The following FNDC3B variants were observed in gnomAD, a reference collection of about 807,000 sequenced individuals.
FNDC3B encodes fibronectin type III domain-containing protein 3B.
FNDC3B carries 12 observed loss-of-function variants against 151.5 expected under a neutral mutation model. The observed-to-expected ratio is 0.08, with a 90% CI of 0.05 to 0.13. The LOEUF is 0.13. Among genes scored for constraint, FNDC3B ranks in the 10% least tolerant of loss-of-function variants. FNDC3B has a pLI of 1.00. For missense variants in FNDC3B, 1,214 were observed against 1,505.3 expected (o/e 0.81, Z 3.20); for synonymous variants, 528 against 549.0 (o/e 0.96, Z 0.54).
intron 8 of FNDC3B, 51 bp from the exon 9 acceptor site, chr3:172,298,677 G>A (rs368107992): frequency 4.2e-5 from 57 of 1,368,558 alleles, no homozygotes; most frequent in African/African-American, 1.6e-4. Context: ...TCCAAATCTC[G>A]TTTGCTTTTG....
At chr3:172,097,928 G>A (rs1306220870) in intron 1 of FNDC3B, among the ~76,000 whole-genome samples, 1 of 152,080 alleles carries the variant, frequency 6.6e-6, no homozygotes, top group African/African-American at 2.4e-5. Flanking sequence ...TACCCAAATT[G>A]ATAGATTAGT....
intron 3 of FNDC3B, among the ~76,000 whole-genome samples, chr3:172,159,992 C>T (rs1205791760): frequency 6.6e-6 from 1 of 152,162 alleles, no homozygotes; most frequent in Non-Finnish European, 1.5e-5. Flanking sequence ...GGCACATCTG[C>T]AGATTGTCCT....
intron 11 of FNDC3B, among the ~76,000 whole-genome samples, chr3:172,326,504 T>C (rs1732351413): frequency 6.6e-6 from 1 of 152,128 alleles, no homozygotes; most frequent in Non-Finnish European, 1.5e-5. Flanking sequence ...TGGTCCTGAC[T>C]CCAAGATTTA....
At chr3:172,164,689 A>G (rs1397037886) in intron 3 of FNDC3B, among the ~76,000 whole-genome samples, 2 of 152,240 alleles carry the variant, frequency 1.3e-5, no homozygotes, top group Admixed American at 6.5e-5. Flanking sequence ...TATGACTTCT[A>G]TGAGAGCAAA....
chr3:172,095,482 G>A (rs560718381), intron 1 of FNDC3B, among the ~76,000 whole-genome samples: 3 of 152,338 alleles, frequency 2.0e-5, no homozygotes, highest in African/African-American at 7.2e-5. Flanking sequence ...AGCTTTAGAA[G>A]AGAGATTGTC....
chr3:172,044,431 C>G (rs775261045), intron 1 of FNDC3B, among the ~76,000 whole-genome samples: 2 of 151,958 alleles, frequency 1.3e-5, no homozygotes, highest in Non-Finnish European at 2.9e-5. Flanking sequence ...ATGGTACTGT[C>G]CTGGGATAAT....
intron 1 of FNDC3B, among the ~76,000 whole-genome samples, chr3:172,041,321 G>A (rs1716036748): frequency 1.3e-5 from 2 of 152,062 alleles, no homozygotes; most frequent in Admixed American, 1.3e-4. Flanking sequence ...CCTTCCTAGG[G>A]AAAGCTAAGG....
intron 22 of FNDC3B, among the ~76,000 whole-genome samples, chr3:172,353,677 CT>C (rs1208126105): frequency 6.6e-6 from 1 of 152,106 alleles, no homozygotes; most frequent in Non-Finnish European, 1.5e-5. Context: ...GAGGATAGTT[CT>C]GTTATGGAGA....
intron 1 of FNDC3B, among the ~76,000 whole-genome samples, chr3:172,088,231 C>T (rs1024210130): frequency 1.3e-5 from 2 of 152,128 alleles, no homozygotes; most frequent in African/African-American, 4.8e-5. Flanking sequence ...CAACTTGAAT[C>T]CTAAATTAGC....
intron 1 of FNDC3B, among the ~76,000 whole-genome samples, chr3:172,096,824 C>T (rs1046006700): frequency 5.9e-4 from 89 of 151,916 alleles, no homozygotes; most frequent in Admixed American, 5.6e-3. Flanking sequence ...TACGCTATAA[C>T]GCATAGGAAT....
chr3:172,112,234 A>T (rs1414959856), intron 1 of FNDC3B, among the ~76,000 whole-genome samples: 2 of 152,238 alleles, frequency 1.3e-5, no homozygotes, highest in African/African-American at 4.8e-5. Flanking sequence ...TTATGTTCAC[A>T]TGGCCACTTA....
At chr3:172,251,229 A>C (rs773186729) in intron 5 of FNDC3B, 31 bp from the exon 6 acceptor site, 1 of 1,529,856 alleles carries the variant, frequency 6.5e-7, no homozygotes, top group Non-Finnish European at 9.0e-7. Context: ...ATGTAAACTG[A>C]GTTTGGGTTT....
chr3:172,247,712 T>G lies in FNDC3B; in HGVS notation c.444T>G (p.Pro148=). 6.2e-7 allele frequency: 1 copy of G among 1,614,116 alleles called. No homozygotes were observed. Among genetic ancestry groups the G allele is most frequent in the Non-Finnish European group, 8.5e-7 (1 of 1,179,986 alleles). Residue 148 remains proline, a synonymous_variant, in exon 5 of 26, where the codon CCT becomes CCG. Transcript: ENST00000415807. ...HTAYYPPVTG[P]GDMPPQFFPQ... ...CTTACTACCCACCTGTTACCGGACC[T>G]GGAGATATGCCGCCTCAGTTTTTTC...
chr3:172,284,549 G>A (rs1729908243), intron 6 of FNDC3B, among the ~76,000 whole-genome samples: 1 of 151,868 alleles, frequency 6.6e-6, no homozygotes, highest in African/African-American at 2.4e-5. Flanking sequence ...GTTAAGGTGG[G>A]ATTTTTTGAA....
At chr3:172,215,898 G>C (rs1725951973) in intron 3 of FNDC3B, among the ~76,000 whole-genome samples, 1 of 147,580 alleles carries the variant, frequency 6.8e-6, no homozygotes, top group Non-Finnish European at 1.5e-5. Context: ...AGCAGAATAG[G>C]GGGTAATTTT....
intron 11 of FNDC3B, among the ~76,000 whole-genome samples, chr3:172,312,923 C>T (rs927223257): frequency 2.0e-5 from 3 of 152,148 alleles, no homozygotes; most frequent in African/African-American, 2.4e-5. Context: ...GGACAGGCCA[C>T]GTCTGATGAC....
At chr3:172,117,738 C>T (rs1458218686) in intron 2 of FNDC3B, among the ~76,000 whole-genome samples, 2 of 152,148 alleles carry the variant, frequency 1.3e-5, no homozygotes, top group Admixed American at 1.3e-4. Context: ...GGATTAGATA[C>T]CTCTTTGACC....
chr3:172,312,531 A>G (rs55825282), intron 11 of FNDC3B, among the ~76,000 whole-genome samples: 19,948 of 151,956 alleles, frequency 0.13, 1,637 homozygotes, highest in South Asian at 0.28. Context: ...GTCTCTTTTT[A>G]TATGTTGATT....
At chr3:172,317,578 G>C (rs184907626) in intron 11 of FNDC3B, among the ~76,000 whole-genome samples, 1 of 152,146 alleles carries the variant, frequency 6.6e-6, no homozygotes, top group Non-Finnish European at 1.5e-5. Context: ...GTAATTTAAC[G>C]CCTTAGCCTC....
Sources: allele counts gnomAD v4.1 joint callset (sites outside exome capture counted in the v4.1 genomes callset), GRCh38; gene constraint gnomAD v4.1.1; transcripts MANE v1.5; gene names NCBI Gene and HGNC (gene_info 2026-07-23, HGNC 2026-07-21).